OSBPL9: variants seen among roughly 807,000 people sequenced by gnomAD.
The protein encoded by OSBPL9 is oxysterol-binding protein-related protein 9.
Under a neutral mutation model 106.6 loss-of-function variants are expected in OSBPL9, and 40 were observed. That is an observed-to-expected ratio of 0.38 (90% CI 0.29 to 0.49). OSBPL9 has a LOEUF of 0.49. OSBPL9 is among the 20% of genes least tolerant of loss of function. The pLI is 0.97. For missense variants in OSBPL9, 609 were observed against 887.2 expected (o/e 0.69, Z 3.98); for synonymous variants, 269 against 295.4 (o/e 0.91, Z 0.92).
intron 1 of OSBPL9, among the ~76,000 whole-genome samples, 180 bp from the exon 2 acceptor site, chr1:51,651,811 T>C (rs572271865): frequency 6.6e-6 from 1 of 152,348 alleles, no homozygotes; most frequent in East Asian, 1.9e-4. Flanking sequence ...ATAGACTGTA[T>C]GACATTTTCA....
At chr1:51,772,956 G>A (rs1290002310) in intron 14 of OSBPL9, among the ~76,000 whole-genome samples, 2 of 152,144 alleles carry the variant, frequency 1.3e-5, no homozygotes, top group African/African-American at 4.8e-5. Context: ...TTAAGATTTG[G>A]TAGAGTTCTA....
At chr1:51,696,619 A>G (rs1656069831) in intron 3 of OSBPL9, among the ~76,000 whole-genome samples, 1 of 152,126 alleles carries the variant, frequency 6.6e-6, no homozygotes, top group Non-Finnish European at 1.5e-5. Flanking sequence ...AACTTTAATG[A>G]GATTTTGCTC....
chr1:51,548,643 AC>A, the OSBPL9 span, among the ~76,000 whole-genome samples: 1 of 151,476 alleles, frequency 6.6e-6, no homozygotes, highest in Non-Finnish European at 1.5e-5. Flanking sequence ...TCCTGCCTCG[AC>A]CTCCCTCAGT....
intron 4 of OSBPL9, among the ~76,000 whole-genome samples, chr1:51,737,257 T>G (rs11205882): frequency 0.25 from 37,753 of 151,892 alleles, 6,598 homozygotes; most frequent in African/African-American, 0.49. Context: ...AAACATTTTA[T>G]AATTTTATAG....
intron 8 of OSBPL9, 61 bp downstream of exon 8, chr1:51,750,256 T>A: frequency 8.2e-7 from 1 of 1,221,208 alleles, no homozygotes; most frequent in East Asian, 2.4e-5. Context: ...TAATGGCGTT[T>A]TTCTTTAATA....
At chr1:51,527,405 T>A in the OSBPL9 span, among the ~76,000 whole-genome samples, 8 of 152,032 alleles carry the variant, frequency 5.3e-5, no homozygotes, top group South Asian at 2.1e-4. Context: ...TTTTAAAAAA[T>A]TTTTTTAGAT....
chr1:51,696,484 C>G (rs1168949912), intron 3 of OSBPL9, among the ~76,000 whole-genome samples: 1 of 152,186 alleles, frequency 6.6e-6, no homozygotes, highest in Non-Finnish European at 1.5e-5. Flanking sequence ...GCTTAAATCA[C>G]TGCATTTTTA....
At chr1:51,749,433 C>T in intron 7 of OSBPL9, 1 of 296,986 alleles carries the variant, frequency 3.4e-6, no homozygotes, top group South Asian at 3.0e-5. Flanking sequence ...CTGCTTCAGC[C>T]ATTTGAGTAG....
rs1307777009 is a variant in OSBPL9 at position 51,784,276 on chromosome 1, G to T, written c.1637G>T (p.Cys546Phe). Residue 546 changes from cysteine to phenylalanine, a missense_variant, in exon 19 of 24, where the codon TGT (cysteine) becomes TTT (phenylalanine). This residue lies in a region of OSBPL9 where 356 missense variants were observed against 505.8 expected (regional missense o/e 0.70). Transcript: ENST00000428468. ...VHNIGQGCVS[C>F]LDYDEHYILT... ...CTTCTCTCCACAGGCTGTGTCTCAT[G>T]TCTAGACTATGATGAACATTACATT... 6.2e-7 allele frequency: 1 copy of T among 1,613,852 alleles called. No homozygotes were observed. Among genetic ancestry groups the T allele is most frequent in the African/African-American group, 1.3e-5 (1 of 74,916 alleles).
chr1:51,558,219 G>A, the OSBPL9 span, among the ~76,000 whole-genome samples: 2 of 151,972 alleles, frequency 1.3e-5, no homozygotes, highest in Non-Finnish European at 2.9e-5. Context: ...GGCGGAGCTT[G>A]CAGTGAGCCA....
intron 8 of OSBPL9, among the ~76,000 whole-genome samples, chr1:51,755,822 G>A (rs998278147): frequency 7.9e-5 from 12 of 152,302 alleles, no homozygotes; most frequent in South Asian, 2.1e-4. Flanking sequence ...GTTGAGGAGC[G>A]TCAGTGCCTC....
At chr1:51,626,277 C>T (rs1644759147) in intron 1 of OSBPL9, among the ~76,000 whole-genome samples, 1 of 152,106 alleles carries the variant, frequency 6.6e-6, no homozygotes, top group Non-Finnish European at 1.5e-5. Flanking sequence ...TTGCTTTTAC[C>T]TTTCCCTATC....
intron 2 of OSBPL9, 27 bp downstream of exon 2, chr1:51,652,068 A>G (rs369646377): frequency 1.3e-6 from 2 of 1,546,022 alleles, no homozygotes; most frequent in African/African-American, 2.8e-5. Flanking sequence ...TTTTATGAAA[A>G]TCAATTTTGA....
chr1:51,775,678 T>C (rs575225010), intron 14 of OSBPL9, among the ~76,000 whole-genome samples: 16 of 152,296 alleles, frequency 1.1e-4, no homozygotes, highest in Admixed American at 2.6e-4. Flanking sequence ...TGGTGCAATC[T>C]TGGCTCACGG....
rs1055139253 is a variant in OSBPL9, at chr1:51,704,544, T to G, written c.242-9459T>G. Among the ~76,000 whole-genome samples the G allele has an allele frequency of 1.6e-4, 24 of 152,210 alleles. 1 individual carries two copies. The highest frequency in any genetic ancestry group is 1.1e-3 in the Admixed American group (17 of 15,284). ...GGCTGCTATAACAAATTACCATAGATTACGTAGCTTAAACAGCAAACATTT... is the reference window on the plus strand; with the variant it reads ...GGCTGCTATAACAAATTACCATAGAGTACGTAGCTTAAACAGCAAACATTT... On this transcript the variant is annotated intron_variant, in intron 3 of 23. Transcript: ENST00000428468.
the OSBPL9 span, among the ~76,000 whole-genome samples, chr1:51,556,854 TA>T: frequency 6.7e-6 from 1 of 150,050 alleles, no homozygotes; most frequent in African/African-American, 2.4e-5. Flanking sequence ...TATGTATATA[TA>T]TATCTCAAAC....
intron 5 of OSBPL9, among the ~76,000 whole-genome samples, chr1:51,746,210 G>A (rs980540297): frequency 6.6e-6 from 1 of 152,126 alleles, no homozygotes; most frequent in African/African-American, 2.4e-5. Context: ...CCAAAATGCT[G>A]GGATTACAGG....
At chr1:51,558,446 G>A in the OSBPL9 span, among the ~76,000 whole-genome samples, 1 of 152,034 alleles carries the variant, frequency 6.6e-6, no homozygotes, top group African/African-American at 2.4e-5. Context: ...CATCACTATT[G>A]TAAAACCTAA....
chr1:51,664,878 G>A (rs1418460285), intron 2 of OSBPL9, among the ~76,000 whole-genome samples: 1 of 152,158 alleles, frequency 6.6e-6, no homozygotes, highest in Non-Finnish European at 1.5e-5. Flanking sequence ...TCAATGTAGT[G>A]TTATTTTCAG....
Sources: gnomAD v4.1 joint callset for allele counts (sites outside exome capture counted in the v4.1 genomes callset) on GRCh38, gnomAD v4.1.1 for gene constraint, gnomAD v4.1.1 regional missense constraint, MANE v1.5 for transcripts, NCBI Gene and HGNC (gene_info 2026-07-23, HGNC 2026-07-21) for gene names.